Variants in SUSD1 observed in about 807,000 individuals in gnomAD.
The protein encoded by SUSD1 is sushi domain containing 1.
In SUSD1, 65 loss-of-function variants were observed where a neutral mutation model predicts 86.9. The ratio of observed to expected loss-of-function variants is 0.75; its 90% confidence interval spans 0.61 to 0.92. The LOEUF is 0.92. SUSD1 is among the 40% of genes least tolerant of loss of function. SUSD1 has a pLI of 0.00. For missense variants in SUSD1, 850 were observed against 929.7 expected (o/e 0.91, Z 1.11); for synonymous variants, 346 against 350.0 (o/e 0.99, Z 0.13).
intron 11 of SUSD1, among the ~76,000 whole-genome samples, chr9:112,079,845 G>A (rs1022659906): frequency 9.2e-5 from 14 of 151,922 alleles, no homozygotes; most frequent in Admixed American, 6.6e-5. Flanking sequence ...CAAGTGATCC[G>A]CCCGCCTCAG....
intron 2 of SUSD1, among the ~76,000 whole-genome samples, chr9:112,156,980 C>CGTTA (rs1833357160): frequency 6.6e-6 from 1 of 152,128 alleles, no homozygotes; most frequent in East Asian, 1.9e-4. Flanking sequence ...TCAGATGCTT[C>CGTTA]TAACCTAAAG....
chr9:112,111,331 C>T (rs1234220372), intron 8 of SUSD1, among the ~76,000 whole-genome samples: 1 of 152,192 alleles, frequency 6.6e-6, no homozygotes, highest in Non-Finnish European at 1.5e-5. Context: ...AGATAAGCCA[C>T]ATGGCTACCC....
intron 10 of SUSD1, among the ~76,000 whole-genome samples, chr9:112,091,854 G>A (rs77646528): frequency 0.043 from 6,546 of 152,190 alleles, 481 homozygotes; most frequent in African/African-American, 0.15. Flanking sequence ...GACAAATTTG[G>A]TATCTGGTCA....
At chr9:112,121,445 A>G (rs1335448297) in intron 6 of SUSD1, among the ~76,000 whole-genome samples, 1 of 152,190 alleles carries the variant, frequency 6.6e-6, no homozygotes, top group African/African-American at 2.4e-5. Flanking sequence ...CCTTTGGGGA[A>G]AAGGTCTGTT....
At chr9:112,060,812 C>G (rs1186845614) in intron 13 of SUSD1, among the ~76,000 whole-genome samples, 1 of 152,204 alleles carries the variant, frequency 6.6e-6, no homozygotes, top group East Asian at 1.9e-4. Context: ...AATGTTGCAG[C>G]ACCTCCATGC....
At chr9:112,129,088 C>T (rs1215006029) in intron 5 of SUSD1, among the ~76,000 whole-genome samples, 2 of 152,008 alleles carry the variant, frequency 1.3e-5, no homozygotes, top group Non-Finnish European at 2.9e-5. Context: ...CAGCCAGGGT[C>T]TACAGCAGTA....
intron 12 of SUSD1, among the ~76,000 whole-genome samples, chr9:112,075,616 G>C (rs2131546002): frequency 6.6e-6 from 1 of 152,188 alleles, no homozygotes; most frequent in South Asian, 2.1e-4. Flanking sequence ...ATGGTGGTGA[G>C]CGCCTATAGT....
intron 6 of SUSD1, among the ~76,000 whole-genome samples, 168 bp downstream of exon 6, chr9:112,124,089 T>C (rs984643403): frequency 1.3e-5 from 2 of 152,148 alleles, no homozygotes; most frequent in African/African-American, 4.8e-5. Flanking sequence ...ATCCACCTTC[T>C]AAATCTTCAG....
intron 5 of SUSD1, among the ~76,000 whole-genome samples, chr9:112,139,064 G>GTA (rs1297414277): frequency 6.6e-6 from 1 of 152,216 alleles, no homozygotes; most frequent in Non-Finnish European, 1.5e-5. Context: ...ATACCAGCAA[G>GTA]TATAGGAAGA....
chr9:112,044,758 A>G (rs1010600917), intron 15 of SUSD1, among the ~76,000 whole-genome samples: 5 of 152,242 alleles, frequency 3.3e-5, no homozygotes. Flanking sequence ...AGAAATTTCT[A>G]AGCATATTCG....
intron 12 of SUSD1, among the ~76,000 whole-genome samples, chr9:112,078,247 T>A (rs1012460348): frequency 3.3e-5 from 5 of 152,152 alleles, no homozygotes; most frequent in Non-Finnish European, 7.3e-5. Context: ...CTCAAGAGGC[T>A]GAGGCAGGAG....
chr9:112,078,484 A>G, intron 12 of SUSD1, 54 bp downstream of exon 12: 10 of 1,532,864 alleles, frequency 6.5e-6, no homozygotes, highest in Non-Finnish European at 8.9e-6. Flanking sequence ...ATCAGGACCT[A>G]TGAACAATTC....
intron 10 of SUSD1, among the ~76,000 whole-genome samples, chr9:112,088,667 T>C (rs2564898): frequency 0.33 from 49,480 of 151,990 alleles, 8,363 homozygotes; most frequent in African/African-American, 0.39. Context: ...AGCATGGTGG[T>C]TGTAGCCCCA....
At chr9:112,151,908 C>G (rs527544104) in intron 2 of SUSD1, among the ~76,000 whole-genome samples, 1 of 152,174 alleles carries the variant, frequency 6.6e-6, no homozygotes, top group Non-Finnish European at 1.5e-5. Context: ...GTGGTACATG[C>G]CTGTAATCTC....
rs537094623 is a variant in SUSD1 at position 112,161,279 on chromosome 9, C to T, written c.104-3666G>A. 3.3e-5 allele frequency among the ~76,000 whole-genome samples: 5 copies of T among 151,644 alleles called. No individual in the cohort carries two copies. The East Asian group carries it at 7.8e-4, about 24-fold the overall frequency. ...CCTGTAGTCCCAGCTACTCAGGAGGCTAAAGCAGGGGAATCACTTGAACCC... is the reference window on the plus strand; with the variant it reads ...CCTGTAGTCCCAGCTACTCAGGAGGTTAAAGCAGGGGAATCACTTGAACCC... On this transcript the variant is annotated intron_variant, in intron 1 of 16. Transcript: ENST00000374270.
chr9:112,115,814 A>AAAAAAAAAAAG (rs58660302), intron 6 of SUSD1, among the ~76,000 whole-genome samples: 2 of 19,248 alleles, frequency 1.0e-4, no homozygotes, highest in African/African-American at 4.2e-4. Flanking sequence ...ATTGCAAAAA[A>AAAAAAAAAAAG]AAAAAAAAAG....
chr9:112,172,157 C>T (rs376707275), intron 1 of SUSD1, among the ~76,000 whole-genome samples: 2 of 151,422 alleles, frequency 1.3e-5, no homozygotes, highest in Admixed American at 6.6e-5. Flanking sequence ...ATCATGTCAC[C>T]GCACTCCATC....
At chr9:112,144,610 A>G (rs1564336225) in intron 3 of SUSD1, among the ~76,000 whole-genome samples, 1 of 152,182 alleles carries the variant, frequency 6.6e-6, no homozygotes, top group Non-Finnish European at 1.5e-5. Flanking sequence ...CTGTCTTAAA[A>G]TTAACTTAAA....
intron 12 of SUSD1, among the ~76,000 whole-genome samples, chr9:112,070,829 C>T (rs73532420): frequency 0.055 from 8,423 of 152,056 alleles, 800 homozygotes; most frequent in African/African-American, 0.19. Context: ...GGAAAGAGAC[C>T]CAAAGAAATG....
Sources: gnomAD v4.1 joint callset for allele counts (sites outside exome capture counted in the v4.1 genomes callset) on GRCh38, gnomAD v4.1.1 for gene constraint, MANE v1.5 for transcripts, NCBI Gene and HGNC (gene_info 2026-07-23, HGNC 2026-07-21) for gene names.